Variants in CLGN observed in about 807,000 individuals in gnomAD.
CLGN encodes the protein testis tissue sperm-binding protein Li 79P.
Under a neutral mutation model 79.1 loss-of-function variants are expected in CLGN, and 62 were observed. The ratio of observed to expected loss-of-function variants is 0.78; its 90% CI spans 0.64 to 0.97. The LOEUF is 0.97. Among genes scored for constraint, CLGN ranks in the 50% least tolerant of loss-of-function variants. The pLI is 0.00. For synonymous variants in CLGN, 225 were observed against 224.7 expected (o/e 1.00, Z -0.01); for missense variants, 647 against 715.5 (o/e 0.90, Z 1.09).
chr4:140,392,486 GAC>G (rs1728793458), intron 12 of CLGN, 98 bp downstream of exon 12: 6 of 1,481,626 alleles, frequency 4.0e-6, no homozygotes, highest in Non-Finnish European at 5.4e-6. Context: ...AAACTTATGA[GAC>G]ATTTAGTTTA....
chr4:140,398,933 C>T lies in CLGN; in HGVS notation c.802G>A (p.Glu268Lys). The T allele has an allele frequency of 6.2e-7, 1 of 1,613,860 alleles. No homozygotes were observed. Among genetic ancestry groups the T allele is most frequent in the African/African-American group, 1.3e-5 (1 of 75,006 alleles). ...VPPIKPPKEI[E>K]DPNDKKPEEW... The stretch of plus-strand genomic sequence containing the variant: ...TCAGGTTTTTTATCATTGGGATCTT[C>T]AATTTCTTTGGGAGGTTTGATAGGA... The change falls in exon 8 of 15, where the codon GAA becomes AAA. Residue 268 changes from glutamate to lysine, a missense_variant. Transcript: ENST00000325617.
At chr4:140,402,809 T>G (rs969988249) in intron 5 of CLGN, among the ~76,000 whole-genome samples, 22 of 152,078 alleles carry the variant, frequency 1.4e-4, no homozygotes, top group African/African-American at 4.8e-4. Context: ...AATTAACGAA[T>G]TATATGTGAC....
At chr4:140,393,771 G>T in intron 11 of CLGN, 55 bp downstream of exon 11, 1 of 1,492,726 alleles carries the variant, frequency 6.7e-7, no homozygotes, top group Non-Finnish European at 9.3e-7. Context: ...CTACAACCAA[G>T]ACCAAGTATT....
chr4:140,405,460 A>C (rs1729089182), intron 5 of CLGN, among the ~76,000 whole-genome samples: 1 of 152,118 alleles, frequency 6.6e-6, no homozygotes, highest in Non-Finnish European at 1.5e-5. Context: ...CTGGGATTAC[A>C]GGCGTGAGCC....
chr4:140,394,488 A>G (rs1471655909), intron 10 of CLGN, among the ~76,000 whole-genome samples: 1 of 152,228 alleles, frequency 6.6e-6, no homozygotes, highest in Non-Finnish European at 1.5e-5. Flanking sequence ...ACAACTACTC[A>G]ACCTAAAACT....
rs186547267 is a variant in CLGN at position 140,394,350 on chromosome 4, G to A, written c.1150-309C>T. Among the ~76,000 whole-genome samples the A allele has an allele frequency of 3.1e-3, 479 of 152,264 alleles. 2 individuals carry two copies. Among genetic ancestry groups the A allele is most frequent in the Middle Eastern group, 6.8e-3 (2 of 294 alleles). On this transcript the variant is annotated intron_variant, in intron 10 of 14. Transcript: ENST00000325617. ...TGGACAAATTTTTAGATTTAGTAAA[G>A]TTATTCATTGCAAAATGTTATTCAA...
In CLGN at chr4:140,400,543, A is replaced by G. The variant is rs1207366342; in HGVS notation, c.508T>C (p.Phe170Leu). The change falls in exon 7 of 15, where the codon TTT (phenylalanine) becomes CTT (leucine). Residue 170 changes from phenylalanine (F) to leucine (L), a missense_variant. Phe to Leu is a conservative substitution (Grantham distance 22). Coordinates refer to ENST00000325617, the MANE Select transcript of CLGN (RefSeq NM_004362.3). Reference protein sequence around the residue: ...ADTDDLILENFYDKTSYIIMF... With the variant: ...ADTDDLILENLYDKTSYIIMF... ...ATGATATAGGATGTTTTATCATAAA[A>G]GTTTTCCTTCAAAGAGAGATGAGTG... 1.3e-6 allele frequency: 2 copies of G among 1,584,294 alleles called. No individual in the cohort carries two copies. Among genetic ancestry groups the G allele is most frequent in the East Asian group, 4.5e-5 (2 of 44,488 alleles).
chr4:140,425,622 C>CTTTTTTTTTTTT (rs60198755), intron 1 of CLGN, among the ~76,000 whole-genome samples: 1 of 97,180 alleles, frequency 1.0e-5, no homozygotes, highest in Non-Finnish European at 1.9e-5. Context: ...TTTGTAATTC[C>CTTTTTTTTTTTT]TTTTTTTTTT....
intron 6 of CLGN, among the ~76,000 whole-genome samples, chr4:140,401,755 T>C (rs1029493796): frequency 6.6e-6 from 1 of 152,140 alleles, no homozygotes; most frequent in East Asian, 1.9e-4. Context: ...CCTACAGACA[T>C]GGTAAACTTT....
At chr4:140,412,130 TAC>T (rs2126628712) in intron 2 of CLGN, among the ~76,000 whole-genome samples, 1 of 152,222 alleles carries the variant, frequency 6.6e-6, no homozygotes, top group African/African-American at 2.4e-5. Context: ...AAATTGTCCT[TAC>T]AGAGCTTCAA....
chr4:140,390,649 ATTT>A lies in CLGN; in HGVS notation c.1728_1730del (p.Asn577del). The A allele has an allele frequency of 6.2e-7, 1 of 1,601,202 alleles. No homozygotes were observed. Among genetic ancestry groups the A allele is most frequent in the Non-Finnish European group, 8.5e-7 (1 of 1,172,672 alleles). On this transcript the variant is annotated inframe_deletion, in exon 14 of 15. Coordinates refer to ENST00000325617, the MANE Select transcript of CLGN (RefSeq NM_004362.3). ...TTACCTCATCCTCTGACCCAGACTT[ATTT>A]GATTGATTACTTTCTTCTTGCCCTT...
chr4:140,413,065 G>T lies in CLGN; in HGVS notation c.14C>A (p.Ala5Asp), dbSNP rs749908305. ...CAGAAGACCCAAACATAGCCAAAAGGCTTGGAAATGCATATTGATTATCTG... is the reference window on the plus strand; with the variant it reads ...CAGAAGACCCAAACATAGCCAAAAGTCTTGGAAATGCATATTGATTATCTG... MHFQ[A>D]FWLCLGLLFI... The change falls in exon 2 of 15, where the codon GCC (alanine) becomes GAC (aspartate). Residue 5 changes from alanine to aspartate, a missense_variant. Coordinates refer to ENST00000325617, the MANE Select transcript of CLGN (RefSeq NM_004362.3). 1.2e-6 allele frequency: 2 copies of T among 1,608,768 alleles called. No individual in the cohort carries two copies. Among genetic ancestry groups the T allele is most frequent in the South Asian group, 1.1e-5 (1 of 89,644 alleles).
chr4:140,419,804 G>A (rs1161153325), intron 1 of CLGN, among the ~76,000 whole-genome samples: 2 of 152,042 alleles, frequency 1.3e-5, no homozygotes, highest in Non-Finnish European at 1.5e-5. Context: ...GGTATAACTG[G>A]GATAGGAAGT....
At position 140,413,007 on chromosome 4, in the gene CLGN, A is replaced by G. The variant is rs1355829274; in HGVS notation, c.72T>C (p.Asp24=). 7 of 1,613,416 alleles carry G rather than the reference A, an allele frequency of 4.3e-6. No homozygotes were observed. Among genetic ancestry groups the G allele is most frequent in the Non-Finnish European group, 5.9e-6 (7 of 1,179,520 alleles). ...CTTCAAAGTCTTCCGTCTCAACATC[A>G]TCATCCATAAATTCTGCATTAATTG... ...FISINAEFMD[D]DVETEDFEEN... is the part of the protein sequence containing the mutation. Residue 24 remains aspartate (D), a synonymous_variant, in exon 2 of 15, where the codon GAT becomes GAC. Transcript: ENST00000325617.
At chr4:140,412,681 A>T (rs1227315314) in intron 2 of CLGN, among the ~76,000 whole-genome samples, 1 of 152,162 alleles carries the variant, frequency 6.6e-6, no homozygotes, top group Non-Finnish European at 1.5e-5. Flanking sequence ...ATCCGTGACA[A>T]ACTCCTGTTT....
chr4:140,411,644 T>C (rs1465764968), intron 2 of CLGN, among the ~76,000 whole-genome samples: 2 of 152,066 alleles, frequency 1.3e-5, no homozygotes. Context: ...CCTACCCTGA[T>C]AGCAAAACAC....
At chr4:140,397,406 T>C (rs1728910821) in intron 8 of CLGN, among the ~76,000 whole-genome samples, 1 of 152,054 alleles carries the variant, frequency 6.6e-6, no homozygotes, top group South Asian at 2.1e-4. Flanking sequence ...AGCTATATGA[T>C]TGAAAATAAT....
At chr4:140,410,427 T>C (rs559122211) in intron 3 of CLGN, 126 bp downstream of exon 3, 15 of 663,824 alleles carry the variant, frequency 2.3e-5, no homozygotes, top group African/African-American at 5.5e-5. Flanking sequence ...CTGATTTACA[T>C]TGTCAATTAA....
At chr4:140,412,467 C>A (rs537563120) in intron 2 of CLGN, among the ~76,000 whole-genome samples, 1 of 152,108 alleles carries the variant, frequency 6.6e-6, no homozygotes, top group Non-Finnish European at 1.5e-5. Flanking sequence ...GAGAGAAACA[C>A]GAGTCAGGTT....
Sources: gnomAD v4.1 joint callset for allele counts (sites outside exome capture counted in the v4.1 genomes callset) on GRCh38, gnomAD v4.1.1 for gene constraint, MANE v1.5 for transcripts, NCBI Gene and HGNC (gene_info 2026-07-23, HGNC 2026-07-21) for gene names.